Variants in AKAP6 observed in about 807,000 individuals in gnomAD.
AKAP6 encodes the protein A-kinase anchoring protein 6, also known as A-kinase anchor protein 6.
Under a neutral mutation model 188.5 loss-of-function variants are expected in AKAP6, and 58 were observed. The ratio of observed to expected loss-of-function variants is 0.31; its 90% CI spans 0.25 to 0.38. The LOEUF (loss-of-function observed/expected upper bound fraction) is 0.38, where lower values mean the gene tolerates loss of function less well. AKAP6 is among the 10% of genes least tolerant of loss of function. The pLI, the probability that AKAP6 is intolerant of heterozygous loss-of-function variation, is 1.00. For synonymous variants in AKAP6, 989 were observed against 998.6 expected, an observed-to-expected ratio of 0.99 and a Z score of 0.18; for missense variants, 2,710 against 2,740.0, an observed-to-expected ratio of 0.99 and a Z score of 0.24.
At chr14:32,727,875 C>G (rs1226653370) in intron 9 of AKAP6, among the ~76,000 whole-genome samples, 1 of 152,182 alleles carries the variant, frequency 6.6e-6, no homozygotes, top group African/African-American at 2.4e-5. Flanking sequence ...GAACCCTTTT[C>G]TTCAGTTTTG....
intron 1 of AKAP6, among the ~76,000 whole-genome samples, chr14:32,422,273 C>T (rs771260850): frequency 7.9e-5 from 12 of 152,180 alleles, no homozygotes; most frequent in Non-Finnish European, 1.8e-4. Flanking sequence ...CCAGGGCCAT[C>T]CTCACTTCAG....
chr14:32,586,615 A>C (rs1885263229), intron 5 of AKAP6, among the ~76,000 whole-genome samples: 1 of 152,218 alleles, frequency 6.6e-6, no homozygotes, highest in African/African-American at 2.4e-5. Flanking sequence ...TGGGCGACTG[A>C]GGGAGACTGT....
At chr14:32,336,896 A>G (rs1886720970) in intron 1 of AKAP6, among the ~76,000 whole-genome samples, 1 of 152,170 alleles carries the variant, frequency 6.6e-6, no homozygotes, top group African/African-American at 2.4e-5. Flanking sequence ...TCTCCCTGCC[A>G]CTGTTTATTC....
intron 2 of AKAP6, among the ~76,000 whole-genome samples, chr14:32,521,210 A>T (rs957230481): frequency 6.6e-6 from 1 of 152,196 alleles, no homozygotes; most frequent in African/African-American, 2.4e-5. Flanking sequence ...GCTATTTATG[A>T]TAAACTCACA....
chr14:32,363,785 A>G (rs1887738842), intron 1 of AKAP6, among the ~76,000 whole-genome samples: 1 of 152,218 alleles, frequency 6.6e-6, no homozygotes, highest in Non-Finnish European at 1.5e-5. Flanking sequence ...CCTCACAGAC[A>G]CACCAAGGAA....
At chr14:32,510,390 A>ATGTGTATATATATATGTATATATATG (rs1881130000) in intron 2 of AKAP6, among the ~76,000 whole-genome samples, 1 of 61,378 alleles carries the variant, frequency 1.6e-5, no homozygotes, top group African/African-American at 7.1e-5. Flanking sequence ...GTATATATAT[A>ATGTGTATATATATATGTATATATATG]TGTGTATATA....
At chr14:32,406,191 T>C (rs942520760) in intron 1 of AKAP6, among the ~76,000 whole-genome samples, 3 of 152,216 alleles carry the variant, frequency 2.0e-5, no homozygotes, top group South Asian at 2.1e-4. Flanking sequence ...CCATGTAGAA[T>C]AGAATACAAT....
intron 1 of AKAP6, among the ~76,000 whole-genome samples, chr14:32,412,901 G>A (rs1037881683): frequency 1.3e-5 from 2 of 152,186 alleles, no homozygotes; most frequent in Non-Finnish European, 2.9e-5. Flanking sequence ...TGGGCTGAGA[G>A]TAGGTATAGA....
intron 7 of AKAP6, among the ~76,000 whole-genome samples, chr14:32,611,747 T>C (rs527607513): frequency 9.9e-5 from 15 of 152,238 alleles, no homozygotes; most frequent in Non-Finnish European, 2.1e-4. Flanking sequence ...CAAAGGAACT[T>C]TTCATGGAGC....
intron 1 of AKAP6, among the ~76,000 whole-genome samples, chr14:32,432,835 G>A (rs1890264360): frequency 6.6e-6 from 1 of 152,178 alleles, no homozygotes; most frequent in African/African-American, 2.4e-5. Context: ...CATAAAAGAA[G>A]TACAGAGCAG....
At chr14:32,490,453 C>A (rs942604188) in intron 2 of AKAP6, among the ~76,000 whole-genome samples, 1 of 152,026 alleles carries the variant, frequency 6.6e-6, no homozygotes, top group African/African-American at 2.4e-5. Context: ...TGAATCAATC[C>A]AACGTGGATA....
intron 1 of AKAP6, among the ~76,000 whole-genome samples, chr14:32,407,299 G>A (rs190956929): frequency 6.6e-6 from 1 of 152,290 alleles, no homozygotes; most frequent in Admixed American, 6.5e-5. Context: ...CAGTTGCTTA[G>A]TAACCCAAAG....
chr14:32,747,936 G>C (rs1410943708), intron 11 of AKAP6, among the ~76,000 whole-genome samples: 1 of 152,208 alleles, frequency 6.6e-6, no homozygotes, highest in African/African-American at 2.4e-5. Context: ...TGTTTGCACT[G>C]CTGCTGTCAG....
chr14:32,470,970 A>G (rs1878744357), intron 2 of AKAP6, among the ~76,000 whole-genome samples: 2 of 150,580 alleles, frequency 1.3e-5, no homozygotes, highest in African/African-American at 4.8e-5. Flanking sequence ...AATAATCTCA[A>G]ATACTTTAGA....
intron 4 of AKAP6, among the ~76,000 whole-genome samples, chr14:32,552,394 G>C (rs997540900): frequency 1.3e-5 from 2 of 152,222 alleles, no homozygotes; most frequent in African/African-American, 4.8e-5. Context: ...GAACAAGGAA[G>C]AGATCCAGTT....
chr14:32,802,510 A>G (rs1024573686), intron 12 of AKAP6, among the ~76,000 whole-genome samples: 2 of 152,232 alleles, frequency 1.3e-5, no homozygotes, highest in Non-Finnish European at 2.9e-5. Flanking sequence ...TTTACTCATC[A>G]AAAAGAGGGA....
intron 5 of AKAP6, among the ~76,000 whole-genome samples, chr14:32,590,173 A>G (rs1267952544): frequency 6.6e-6 from 1 of 152,136 alleles, no homozygotes; most frequent in Non-Finnish European, 1.5e-5. Flanking sequence ...TAGAGACCCA[A>G]GAACATTTGG....
intron 7 of AKAP6, among the ~76,000 whole-genome samples, chr14:32,637,647 G>A (rs901678678): frequency 2.6e-5 from 4 of 152,014 alleles, no homozygotes; most frequent in Non-Finnish European, 2.9e-5. Context: ...ATGCAGAAGA[G>A]AGCTGATATA....
intron 1 of AKAP6, among the ~76,000 whole-genome samples, chr14:32,354,131 A>T: frequency 1.3e-5 from 2 of 151,282 alleles, no homozygotes; most frequent in Admixed American, 6.6e-5. Context: ...ATGGAACCAA[A>T]AAAGAGCCCA....
Sources: allele counts gnomAD v4.1 joint callset (sites outside exome capture counted in the v4.1 genomes callset), GRCh38; gene constraint gnomAD v4.1.1; transcripts MANE v1.5; gene names NCBI Gene and HGNC (gene_info 2026-07-23, HGNC 2026-07-21).